Variants in RANBP9 observed in about 807,000 individuals in gnomAD.
RANBP9 encodes the protein RAN binding protein 9, also known as ran-binding protein 9.
In RANBP9, 15 loss-of-function variants were observed where a neutral mutation model predicts 84.3. The observed-to-expected ratio is 0.18, with a 90% CI of 0.12 to 0.27. The LOEUF (loss-of-function observed/expected upper bound fraction) is 0.27. Ranked by LOEUF, RANBP9 falls within the 10% of genes least tolerant of loss-of-function variation. The pLI, the probability that RANBP9 is intolerant of heterozygous loss-of-function variation, is 1.00. For synonymous variants in RANBP9, 392 were observed against 349.6 expected, an observed-to-expected ratio of 1.12 and a Z score of -1.35; for missense variants, 809 against 912.8, an observed-to-expected ratio of 0.89 and a Z score of 1.46.
At chr6:13,625,858 G>A in intron 12 of RANBP9, 94 bp from the exon 13 acceptor site, 2 of 839,320 alleles carry the variant, frequency 2.4e-6, no homozygotes, top group Non-Finnish European at 2.0e-6. Flanking sequence ...ATGGCTTCCA[G>A]GCACAGACTA....
intron 2 of RANBP9, among the ~76,000 whole-genome samples, chr6:13,670,448 T>C (rs1411553607): frequency 6.6e-6 from 1 of 152,130 alleles, no homozygotes; most frequent in Non-Finnish European, 1.5e-5. Context: ...TGATAGTGGC[T>C]TAAGACAATG....
intron 3 of RANBP9, among the ~76,000 whole-genome samples, chr6:13,658,197 A>C (rs533278582): frequency 1.2e-3 from 185 of 152,324 alleles, no homozygotes; most frequent in African/African-American, 4.2e-3. Flanking sequence ...CCACATTAAA[A>C]TATTTAAAGT....
chr6:13,635,758 A>C (rs1423412307), intron 10 of RANBP9, among the ~76,000 whole-genome samples: 2 of 152,102 alleles, frequency 1.3e-5, no homozygotes, highest in East Asian at 3.8e-4. Context: ...CTTTAAGAAT[A>C]AGAAAATCCT....
At chr6:13,696,111 TC>T (rs909245080) in intron 2 of RANBP9, among the ~76,000 whole-genome samples, 35 of 152,244 alleles carry the variant, frequency 2.3e-4, no homozygotes, top group African/African-American at 8.2e-4. Context: ...TGTGGAGCTT[TC>T]TCAAAATGCC....
intron 2 of RANBP9, among the ~76,000 whole-genome samples, chr6:13,663,557 C>T (rs1366303948): frequency 6.6e-6 from 1 of 151,816 alleles, no homozygotes; most frequent in African/African-American, 2.4e-5. Flanking sequence ...TGTAGAAATG[C>T]AAGTTTCTAT....
intron 2 of RANBP9, among the ~76,000 whole-genome samples, chr6:13,671,697 A>T (rs574924947): frequency 6.6e-6 from 1 of 152,172 alleles, no homozygotes; most frequent in Non-Finnish European, 1.5e-5. Context: ...ATTAAATAGT[A>T]AGGGTTGCAT....
intron 1 of RANBP9, among the ~76,000 whole-genome samples, chr6:13,700,203 C>T (rs1222882963): frequency 6.6e-6 from 1 of 152,168 alleles, no homozygotes; most frequent in African/African-American, 2.4e-5. Context: ...TACCCTATTC[C>T]CACTCCCTTC....
chr6:13,658,688 G>T, intron 3 of RANBP9, 92 bp downstream of exon 3: 1 of 1,025,558 alleles, frequency 9.8e-7, no homozygotes. Context: ...CAGAAAATCA[G>T]TATCTTTAAA....
intron 2 of RANBP9, among the ~76,000 whole-genome samples, chr6:13,678,531 C>G (rs151105299): frequency 6.6e-6 from 1 of 152,278 alleles, no homozygotes; most frequent in East Asian, 1.9e-4. Flanking sequence ...CGCTCACATA[C>G]GAAGCCAGTA....
chr6:13,661,677 CTGAGA>C (rs1394238682), intron 2 of RANBP9, among the ~76,000 whole-genome samples: 1 of 152,014 alleles, frequency 6.6e-6, no homozygotes, highest in Admixed American at 6.6e-5. Context: ...CCAATATTTG[CTGAGA>C]TAATTTAGAT....
intron 11 of RANBP9, 88 bp downstream of exon 11, chr6:13,634,343 T>C: frequency 6.8e-7 from 1 of 1,464,270 alleles, no homozygotes; most frequent in Non-Finnish European, 9.3e-7. Context: ...ATCTGGTTTA[T>C]GCTCATCAGC....
intron 2 of RANBP9, among the ~76,000 whole-genome samples, chr6:13,692,185 G>A (rs1401690874): frequency 6.6e-6 from 1 of 151,872 alleles, no homozygotes; most frequent in Non-Finnish European, 1.5e-5. Context: ...CAATGGGCTG[G>A]GCCTAGAACT....
intron 1 of RANBP9, among the ~76,000 whole-genome samples, chr6:13,702,956 T>C (rs1449117981): frequency 9.2e-5 from 14 of 152,206 alleles, no homozygotes; most frequent in Admixed American, 7.8e-4. Context: ...TCTGTGCCTA[T>C]CCTACTAAAC....
intron 4 of RANBP9, among the ~76,000 whole-genome samples, chr6:13,656,180 C>T (rs1765395989): frequency 2.6e-5 from 4 of 151,994 alleles, no homozygotes. Flanking sequence ...TGTTAAAGAA[C>T]ATCTATTATA....
intron 9 of RANBP9, among the ~76,000 whole-genome samples, chr6:13,638,910 G>T (rs1483566975): frequency 1.3e-5 from 2 of 152,018 alleles, no homozygotes; most frequent in Non-Finnish European, 2.9e-5. Flanking sequence ...GGTAACCAGT[G>T]GCATAAGGTA....
intron 12 of RANBP9, among the ~76,000 whole-genome samples, chr6:13,632,080 C>G (rs1043734838): frequency 5.4e-5 from 7 of 129,560 alleles, no homozygotes; most frequent in African/African-American, 2.0e-4. Context: ...TTAACGAGGA[C>G]ACACAATGTT....
In RANBP9 at chr6:13,676,111, A is replaced by G. The variant is rs575571641; in HGVS notation, c.684-17279T>C. Among the ~76,000 whole-genome samples, 4 of 152,276 alleles carry G rather than the reference A, an allele frequency of 2.6e-5. No individual in the cohort carries two copies. In the South Asian group the frequency reaches 8.3e-4, roughly 32 times the overall value. On this transcript the variant is annotated intron_variant, in intron 2 of 13. Transcript: ENST00000011619. ...CCTAGAAGCAATGATACCCAAGAGTAGAAAGCACACCCATAATAAATCTAT... is the reference window on the plus strand; with the variant it reads ...CCTAGAAGCAATGATACCCAAGAGTGGAAAGCACACCCATAATAAATCTAT...
chr6:13,655,247 G>A (rs1330768031), intron 4 of RANBP9, among the ~76,000 whole-genome samples: 3 of 152,236 alleles, frequency 2.0e-5, no homozygotes, highest in Non-Finnish European at 2.9e-5. Context: ...TGAGGCGGGT[G>A]TATCACTTGA....
rs1266734814 is a variant in RANBP9 at position 13,637,789 on chromosome 6, A to G, written c.1673+19T>C. On this transcript the variant is annotated intron_variant, in intron 10 of 13. Coordinates refer to ENST00000011619, the MANE Select transcript of RANBP9 (RefSeq NM_005493.3). ...ACTAGGTTGCTTATATTAGTGCAAA[A>G]GTCAGTGAAATTACTTACCTGGTGA... is the stretch of plus-strand genomic sequence containing the variant. The G allele has an allele frequency of 2.1e-5, 33 of 1,563,410 alleles. No individual in the cohort carries two copies. The highest frequency in any genetic ancestry group is 2.9e-5 in the Non-Finnish European group (33 of 1,156,506).
Sources: gnomAD v4.1 joint callset for allele counts (sites outside exome capture counted in the v4.1 genomes callset) on GRCh38, gnomAD v4.1.1 for gene constraint, MANE v1.5 for transcripts, NCBI Gene and HGNC (gene_info 2026-07-23, HGNC 2026-07-21) for gene names.